Variants in SLFN12L observed in about 807,000 individuals in gnomAD.
SLFN12L encodes the protein schlafen family member 12 like, also known as schlafen family member 12-like.
A neutral mutation model predicts 34.8 loss-of-function variants in SLFN12L; 34 were observed. The observed-to-expected ratio is 0.98, with a 90% CI of 0.74 to 1.30. The LOEUF (loss-of-function observed/expected upper bound fraction) is 1.30. SLFN12L is among the 50% of genes most tolerant of loss of function. The pLI is 0.00. For missense variants in SLFN12L, 703 were observed against 696.2 expected (o/e 1.01, Z -0.11); for synonymous variants, 259 against 247.5 (o/e 1.05, Z -0.44).
chr17:35,487,667 G>C (rs1914643338), intron 2 of SLFN12L: 1 of 1,497,722 alleles, frequency 6.7e-7, no homozygotes, highest in Non-Finnish European at 9.0e-7. Flanking sequence ...CGTTTCGTCT[G>C]TACCTATTTG....
rs748945284 is a variant in SLFN12L at position 35,475,157 on chromosome 17, A to G, written c.1605T>C (p.Cys535=). The change falls in exon 5 of 5, where the codon TGT becomes TGC. Residue 535 remains cysteine, a synonymous_variant. Coordinates refer to ENST00000628453, the MANE Select transcript of SLFN12L (RefSeq NM_001363830.2). The part of the protein sequence containing the change: ...AKIGGYTKKV[C]VMTKIFYLSP... ...TCAAGTAGAAGATCTTTGTCATGAC[A>G]CACACTTTTTTAGTGTAACCACCAA... 1.2e-6 allele frequency: 2 copies of G among 1,614,210 alleles called. No individual in the cohort carries two copies. The highest frequency in any genetic ancestry group is 3.3e-5 in the Admixed American group (2 of 60,030).
intron 2 of SLFN12L, among the ~76,000 whole-genome samples, chr17:35,495,425 T>A (rs376943911): frequency 6.6e-6 from 1 of 152,226 alleles, no homozygotes; most frequent in Non-Finnish European, 1.5e-5. Flanking sequence ...ATGTCGATTA[T>A]AGCTCAGTAT....
chr17:35,526,584 T>C (rs1365969914), intron 1 of SLFN12L, among the ~76,000 whole-genome samples: 1 of 152,118 alleles, frequency 6.6e-6, no homozygotes, highest in Non-Finnish European at 1.5e-5. Flanking sequence ...ACATGGAAAC[T>C]GAACAACCTG....
chr17:35,495,391 C>G (rs1249341344), intron 2 of SLFN12L, among the ~76,000 whole-genome samples: 1 of 152,276 alleles, frequency 6.6e-6, no homozygotes, highest in South Asian at 2.1e-4. Flanking sequence ...ATATTATACA[C>G]TTTAAATACG....
At chr17:35,516,567 C>T (rs1457518260) in intron 2 of SLFN12L, among the ~76,000 whole-genome samples, 1 of 152,230 alleles carries the variant, frequency 6.6e-6, no homozygotes, top group African/African-American at 2.4e-5. Flanking sequence ...TGGCCTCTAT[C>T]CACCAGGTAC....
chr17:35,530,571 A>C (rs1661634269), intron 1 of SLFN12L, among the ~76,000 whole-genome samples: 1 of 151,922 alleles, frequency 6.6e-6, no homozygotes, highest in Non-Finnish European at 1.5e-5. Flanking sequence ...AAAGGGAGAG[A>C]AGTTAAACTT....
Position 35,472,617 on chromosome 17 carries a change from G to A in SLFN12L, c.*2306C>T, listed in dbSNP as rs1268222746. ...TTTAGGATTATCTTAGCTATACAAGGTCTTCTTTGATTCCATATGAAATTT... is the reference window on the plus strand; with the variant it reads ...TTTAGGATTATCTTAGCTATACAAGATCTTCTTTGATTCCATATGAAATTT... On this transcript the variant is annotated 3_prime_UTR_variant, in exon 5 of 5. Transcript: ENST00000628453. 2.6e-5 allele frequency among the ~76,000 whole-genome samples: 4 copies of A among 152,116 alleles called. No homozygotes were observed. The highest frequency in any genetic ancestry group is 9.7e-5 in the African/African-American group (4 of 41,424).
intron 2 of SLFN12L, among the ~76,000 whole-genome samples, chr17:35,508,824 A>G (rs1299603812): frequency 4.7e-5 from 7 of 149,054 alleles, no homozygotes; most frequent in Non-Finnish European, 1.5e-5. Context: ...AAAAAATAAT[A>G]TTTATACTGA....
chr17:35,477,949 A>T (rs574744561), intron 4 of SLFN12L, 126 bp downstream of exon 4: 1 of 636,688 alleles, frequency 1.6e-6, no homozygotes, highest in Non-Finnish European at 2.6e-6. Context: ...GACTAAAAAC[A>T]CCAAAGAATT....
At position 35,522,672 on chromosome 17, in the gene SLFN12L, G is replaced by A; in HGVS notation, c.-308C>T. The A allele has an allele frequency of 1.2e-6, 2 of 1,614,070 alleles. No individual in the cohort carries two copies. Among genetic ancestry groups the A allele is most frequent in the Non-Finnish European group, 1.7e-6 (2 of 1,179,998 alleles). ...GACTCAGGCAGAGGACCTTGGCCCT[G>A]ACACACACCTCCCCAGTGTAGCCCC... On this transcript the variant is annotated 5_prime_UTR_variant, in exon 2 of 5. Transcript: ENST00000628453.
At chr17:35,500,741 A>G (rs1013509109) in intron 2 of SLFN12L, among the ~76,000 whole-genome samples, 2 of 151,676 alleles carry the variant, frequency 1.3e-5, no homozygotes, top group African/African-American at 4.9e-5. Flanking sequence ...AAAAAAAAAA[A>G]AGATCGACCC....
intron 2 of SLFN12L, among the ~76,000 whole-genome samples, chr17:35,489,816 C>G (rs931302791): frequency 6.6e-6 from 1 of 152,172 alleles, no homozygotes; most frequent in African/African-American, 2.4e-5. Flanking sequence ...AACAAGTCAC[C>G]TTGCCAAGCC....
Position 35,530,522 on chromosome 17 carries a change from GAAAAGAAAAGAAAAGAAAA to G in SLFN12L, c.-606+7032_-606+7050del, listed in dbSNP as rs1264372761. ...AAAGAAAGAAAGAAAGAAAAGAAAAGAAAAGAAAAGAAAAGAAAAGAAAGAAAGAAAGAAAGAGAAAGGG... is the reference window on the plus strand; with the variant it reads ...AAAGAAAGAAAGAAAGAAAAGAAAAGGAAAGAAAGAAAGAAAGAGAAAGGG... On this transcript the variant is annotated intron_variant, in intron 1 of 4. Transcript: ENST00000628453. Among the ~76,000 whole-genome samples, 9 of 37,704 alleles carry G rather than the reference GAAAAGAAAAGAAAAGAAAA, an allele frequency of 2.4e-4. 1 individual carries two copies. Among genetic ancestry groups the G allele is most frequent in the Admixed American group, 7.3e-4 (3 of 4,128 alleles). The allele number at this position is 37,704 out of a possible 152,430, so 24.7% of individuals were successfully genotyped here.
At chr17:35,507,479 A>G (rs1351431988) in intron 2 of SLFN12L, among the ~76,000 whole-genome samples, 1 of 152,232 alleles carries the variant, frequency 6.6e-6, no homozygotes, top group Non-Finnish European at 1.5e-5. Flanking sequence ...GCTCTTGACA[A>G]CTTGCTAGCA....
intron 2 of SLFN12L, among the ~76,000 whole-genome samples, chr17:35,501,248 AGCAGAGCATG>A (rs1915285557): frequency 6.6e-6 from 1 of 152,180 alleles, no homozygotes. Context: ...GCCTTGTTAG[AGCAGAGCATG>A]GCAGACCCCA....
Position 35,464,986 on chromosome 17 carries a change from C to G in SLFN12L, c.*9937G>C, listed in dbSNP as rs541188499. 6.6e-6 allele frequency among the ~76,000 whole-genome samples: 1 copy of G among 152,168 alleles called. No homozygotes were observed. The highest frequency in any genetic ancestry group is 2.4e-5 in the African/African-American group (1 of 41,432). ...CCGCCTCCCAGGTTCAAGTGATTCT[C>G]CTGCCTCAGCTTCCCAAGTAGCTGG... On this transcript the variant is annotated 3_prime_UTR_variant, in exon 5 of 5. Coordinates refer to ENST00000628453, the MANE Select transcript of SLFN12L (RefSeq NM_001363830.2).
rs183124989 is a variant in SLFN12L at position 35,491,208 on chromosome 17, G to T, written c.87-11013C>A. On this transcript the variant is annotated intron_variant, in intron 2 of 4. Transcript: ENST00000628453. ...TCTTTGATGCCTATGATTTGGAAAA[G>T]CTCCCACTGGTGGAAGACTTCAAGT... is the stretch of plus-strand genomic sequence containing the variant. 8.0e-4 allele frequency: 865 copies of T among 1,084,926 alleles called. 2 individuals carry two copies. Among genetic ancestry groups the T allele is most frequent in the Non-Finnish European group, 1.0e-3 (763 of 743,714 alleles). 67.2% of individuals were successfully genotyped at this position (1,084,926 alleles called of 1,614,324 possible).
intron 2 of SLFN12L, among the ~76,000 whole-genome samples, chr17:35,495,623 C>T (rs1192799673): frequency 6.6e-6 from 1 of 152,090 alleles, no homozygotes; most frequent in African/African-American, 2.4e-5. Flanking sequence ...TGGCTCTCCC[C>T]GGGGTGGGTT....
chr17:35,522,607 G>A lies in SLFN12L; in HGVS notation c.-243C>T, dbSNP rs372710838. 1.2e-3 allele frequency: 1,982 copies of A among 1,610,664 alleles called. 20 individuals carry two copies. In the South Asian group the frequency reaches 0.013, roughly 10 times the overall value. ...ACTATAGGACGCAGGGTAATCCATCGGAGACACTGCAGCCTCCAAAGCCTC... is the reference window on the plus strand; with the variant it reads ...ACTATAGGACGCAGGGTAATCCATCAGAGACACTGCAGCCTCCAAAGCCTC... On this transcript the variant is annotated 5_prime_UTR_variant, in exon 2 of 5. Transcript: ENST00000628453.
Sources: allele counts gnomAD v4.1 joint callset (sites outside exome capture counted in the v4.1 genomes callset), GRCh38; gene constraint gnomAD v4.1.1; transcripts MANE v1.5; gene names NCBI Gene and HGNC (gene_info 2026-07-23, HGNC 2026-07-21).